The following ZBTB14 variants were observed in gnomAD, a reference collection of about 807,000 sequenced individuals.
The protein encoded by ZBTB14 is zinc finger and BTB domain containing 14, also known as zinc finger and BTB domain-containing protein 14.
In ZBTB14, 8 loss-of-function variants were observed where a neutral mutation model predicts 29.5. That is an observed-to-expected ratio of 0.27 (90% CI 0.16 to 0.49). ZBTB14 has a LOEUF of 0.49. ZBTB14 is among the 20% of genes least tolerant of loss of function. ZBTB14 has a pLI of 0.99. For synonymous variants in ZBTB14, 226 were observed against 207.2 expected (o/e 1.09, Z -0.78); for missense variants, 333 against 563.8 (o/e 0.59, Z 4.15).
rs1476235158 is a variant in ZBTB14, at chr18:5,291,182, A to G, written c.1026T>C (p.Phe342=). 1 of 1,614,246 alleles carries G rather than the reference A, an allele frequency of 6.2e-7. No individual in the cohort carries two copies. Among genetic ancestry groups the G allele is most frequent in the Non-Finnish European group, 8.5e-7 (1 of 1,180,036 alleles). The change falls in exon 4 of 4, where the codon TTT becomes TTC. Residue 342 remains phenylalanine (F), a synonymous_variant. Coordinates refer to ENST00000651870, the MANE Select transcript of ZBTB14 (RefSeq NM_001243702.2). The surrounding 1 kb of genome is among the most constrained non-coding windows in gnomAD (Gnocchi z 5.8). The stretch of plus-strand genomic sequence containing the variant: ...GCTTCTTTAAGTCTGGGGCACGGAT[A>G]AATGATTTTCCACACACCTCACAGC... ...PYSCEVCGKS[F]IRAPDLKKHE...
Position 5,291,339 on chromosome 18 carries a change from CCTT to C in ZBTB14, c.866_868del (p.Glu289del). The C allele has an allele frequency of 6.2e-7, 1 of 1,614,248 alleles. No individual in the cohort carries two copies. The highest frequency in any genetic ancestry group is 8.5e-7 in the Non-Finnish European group (1 of 1,180,048). ...GAGTTTCTCATGCTTCCTCAATCTG[CCTT>C]CATCAGAAAACGTCTTCCCACACGC... is the stretch of plus-strand genomic sequence containing the variant. On this transcript the variant is annotated inframe_deletion, in exon 4 of 4. Coordinates refer to ENST00000651870, the MANE Select transcript of ZBTB14 (RefSeq NM_001243702.2). The surrounding 1 kb of genome is among the most constrained non-coding windows in gnomAD (Gnocchi z 5.8).
In ZBTB14 at chr18:5,289,492, T is replaced by C. The variant is rs2071764887; in HGVS notation, c.*1366A>G. On this transcript the variant is annotated 3_prime_UTR_variant, in exon 4 of 4. Coordinates refer to ENST00000651870, the MANE Select transcript of ZBTB14 (RefSeq NM_001243702.2). ...TTGAAAAATAATTGACTAATACTTT[T>C]TTACAGAACACAATTCAAACTATTG... The C allele has an allele frequency of 1.3e-5, 2 of 152,210 alleles. No homozygotes were observed. Among genetic ancestry groups the C allele is most frequent in the Non-Finnish European group, 2.9e-5 (2 of 68,024 alleles). The allele number at this position is 152,210 out of a possible 1,614,324, so 9.4% of individuals were successfully genotyped here. A position where few individuals can be genotyped will look rare whatever the true frequency, so the allele number is the denominator to read the frequency against.
intron 3 of ZBTB14, 64 bp from the exon 4 acceptor site, chr18:5,292,268 C>T (rs2143236254): frequency 7.8e-7 from 1 of 1,276,614 alleles, no homozygotes; most frequent in Non-Finnish European, 1.0e-6. Context: ...AACACAGTCA[C>T]ATTTTCATTT....
rs146246023 is a variant in ZBTB14, at chr18:5,291,677, T to G, written c.531A>C (p.Thr177=). 12 of 1,614,048 alleles carry G rather than the reference T, an allele frequency of 7.4e-6. No individual in the cohort carries two copies. The African/African-American group carries it at 1.1e-4, about 14-fold the overall frequency. The stretch of plus-strand genomic sequence containing the variant: ...CCTGACTCGGGGGTGTGCCTTCTAC[T>G]GTGTCATCAGAAGGACTGTCATCCT... ...GDQDDSPSDD[T]VEGTPPSQED... The change falls in exon 4 of 4, where the codon ACA becomes ACC. Residue 177 remains threonine (T), a synonymous_variant. Coordinates refer to ENST00000651870, the MANE Select transcript of ZBTB14 (RefSeq NM_001243702.2). The surrounding 1 kb of genome is among the most constrained non-coding windows in gnomAD (Gnocchi z 5.8).
Position 5,291,911 on chromosome 18 carries a change from G to A in ZBTB14, c.297C>T (p.Ser99=), listed in dbSNP as rs201423565. 31 of 1,614,002 alleles carry A rather than the reference G, an allele frequency of 1.9e-5. No individual in the cohort carries two copies. The African/African-American group carries it at 2.1e-4, about 11-fold the overall frequency. Residue 99 remains serine (S), a synonymous_variant, in exon 4 of 4, where the codon TCC becomes TCT. Transcript: ENST00000651870. The surrounding 1 kb of genome is among the most constrained non-coding windows in gnomAD (Gnocchi z 5.8). The part of the protein sequence containing the change: ...VLNYMYTAKI[S]VKKEDVNLMM... ...TTAAGTTAACATCTTCTTTTTTCAC[G>A]GAAATCTTTGCTGTGTACATGTAGT...
Position 5,290,130 on chromosome 18 carries a change from A to G in ZBTB14, c.*728T>C, listed in dbSNP as rs1349758041. On this transcript the variant is annotated 3_prime_UTR_variant, in exon 4 of 4. Transcript: ENST00000651870. ...CTGGTATGGACTGGTACTGCCCCAAATAAGAGGAACCTAAGAGCTTGGCTC... is the reference window on the plus strand; with the variant it reads ...CTGGTATGGACTGGTACTGCCCCAAGTAAGAGGAACCTAAGAGCTTGGCTC... 3.3e-5 allele frequency: 5 copies of G among 152,184 alleles called. No individual in the cohort carries two copies. In the East Asian group the frequency reaches 7.7e-4, roughly 23 times the overall value. 9.4% of individuals were successfully genotyped at this position (152,184 alleles called of 1,614,324 possible).
chr18:5,295,604 G>T (rs1046848301), intron 1 of ZBTB14, 48 bp downstream of exon 1: 1 of 143,992 alleles, frequency 6.9e-6, no homozygotes, highest in Admixed American at 6.9e-5. Context: ...CCCCCGGGGC[G>T]CCCCGGCCCC....
upstream of ZBTB14, chr18:5,296,903 T>C (rs1016370040): frequency 6.6e-6 from 1 of 152,064 alleles, no homozygotes; most frequent in African/African-American, 2.4e-5. Flanking sequence ...GCGCCAGTAA[T>C]GGCTCCGTTG....
At chr18:5,296,283 T>TGGGCGGGGCAA (rs1017284972), upstream of ZBTB14, 1 of 147,814 alleles carries the variant, frequency 6.8e-6, no homozygotes, top group Non-Finnish European at 1.5e-5. Flanking sequence ...GGAGAAGGAG[T>TGGGCGGGGCAA]GGGCGGGGCA....
At chr18:5,296,170 T>C (rs1157081797), upstream of ZBTB14, 2 of 150,560 alleles carry the variant, frequency 1.3e-5, no homozygotes, top group Admixed American at 6.6e-5. Flanking sequence ...ATCCGGGCCC[T>C]TGCCGACGCT....
chr18:5,291,814 T>A lies in ZBTB14; in HGVS notation c.394A>T (p.Ser132Cys). The A allele has an allele frequency of 6.2e-7, 1 of 1,613,936 alleles. No individual in the cohort carries two copies. Among genetic ancestry groups the A allele is most frequent in the South Asian group, 1.1e-5 (1 of 91,056 alleles). Residue 132 changes from serine to cysteine, a missense_variant, in exon 4 of 4, where the codon AGT becomes TGT. Around this residue, in one of 3 missense-constraint regions of ZBTB14, gnomAD observed 126 missense variants for 132.2 expected, o/e 0.95. Transcript: ENST00000651870. The surrounding 1 kb of genome is among the most constrained non-coding windows in gnomAD (Gnocchi z 5.8). The stretch of plus-strand genomic sequence containing the variant: ...GACTGACCATTGTTTTCATCGGGAC[T>A]GGACACATCACGCTTCTGAGAACAC... ...KLCSQKRDVS[S>C]PDENNGQSKS... is the part of the protein sequence containing the mutation.
rs551210040 is a variant in ZBTB14, at chr18:5,289,560, T to C, written c.*1298A>G. 1.4e-4 allele frequency: 21 copies of C among 152,336 alleles called. No individual in the cohort carries two copies. Among genetic ancestry groups the C allele is most frequent in the Admixed American group, 1.2e-3 (19 of 15,300 alleles). 9.4% of individuals were successfully genotyped at this position (152,336 alleles called of 1,614,324 possible). A position where few individuals can be genotyped will look rare whatever the true frequency, so the allele number is the denominator to read the frequency against. ...TCCTAAAGATGGTTAAAAGAACATT[T>C]AGTATACCAAAACTGGAATAGAGTT... On this transcript the variant is annotated 3_prime_UTR_variant, in exon 4 of 4. Coordinates refer to ENST00000651870, the MANE Select transcript of ZBTB14 (RefSeq NM_001243702.2).
intron 1 of ZBTB14, among the ~76,000 whole-genome samples, chr18:5,295,100 C>T (rs1415591941): frequency 1.3e-5 from 2 of 150,638 alleles, no homozygotes; most frequent in African/African-American, 4.9e-5. Context: ...GGGACCGCGG[C>T]TCGGAGCGCG....
Position 5,291,696 on chromosome 18 carries a change from T to C in ZBTB14, c.512A>G (p.Asp171Gly). Residue 171 changes from aspartate to glycine, a missense_variant, in exon 4 of 4, where the codon GAC (aspartate) becomes GGC (glycine). This residue lies in a region of ZBTB14 where 126 missense variants were observed against 132.2 expected (regional missense o/e 0.95). Coordinates refer to ENST00000651870, the MANE Select transcript of ZBTB14 (RefSeq NM_001243702.2). The surrounding 1 kb of genome is among the most constrained non-coding windows in gnomAD (Gnocchi z 5.8). ...DDVEEIGDQDDSPSDDTVEGT... is the reference protein window; with the variant it reads ...DDVEEIGDQDGSPSDDTVEGT... ...TTCTACTGTGTCATCAGAAGGACTG[T>C]CATCCTGATCCCCGATTTCCTCTAC... is the stretch of plus-strand genomic sequence containing the variant. 2 of 1,614,172 alleles carry C rather than the reference T, an allele frequency of 1.2e-6. No homozygotes were observed. Among genetic ancestry groups the C allele is most frequent in the Non-Finnish European group, 8.5e-7 (1 of 1,180,028 alleles).
Position 5,290,677 on chromosome 18 carries a change from G to T in ZBTB14, c.*181C>A, listed in dbSNP as rs1287116323. 1 of 904,036 alleles carries T rather than the reference G, an allele frequency of 1.1e-6. No homozygotes were observed. Among genetic ancestry groups the T allele is most frequent in the Non-Finnish European group, 1.6e-6 (1 of 617,134 alleles). 56.0% of individuals were successfully genotyped at this position (904,036 alleles called of 1,614,324 possible). A position where few individuals can be genotyped will look rare whatever the true frequency, so the allele number is the denominator to read the frequency against. Reference sequence around the variant, plus strand: ...ACAAGACAGTGAAACGGTTTGGTCAGAACTGAGGAACACCATTTCCTTGAA... The same window carrying T: ...ACAAGACAGTGAAACGGTTTGGTCATAACTGAGGAACACCATTTCCTTGAA... On this transcript the variant is annotated 3_prime_UTR_variant, in exon 4 of 4. Coordinates refer to ENST00000651870, the MANE Select transcript of ZBTB14 (RefSeq NM_001243702.2).
chr18:5,289,163 A>G lies in ZBTB14; in HGVS notation c.*1695T>C, dbSNP rs953740902. ...GAACGGCAATCAGTTCCCCTTCTAT[A>G]AGTAGCATAAAAACACAGTGACAGG... On this transcript the variant is annotated 3_prime_UTR_variant, in exon 4 of 4. Coordinates refer to ENST00000651870, the MANE Select transcript of ZBTB14 (RefSeq NM_001243702.2). 6.6e-6 allele frequency: 1 copy of G among 152,220 alleles called. No individual in the cohort carries two copies. The highest frequency in any genetic ancestry group is 1.5e-5 in the Non-Finnish European group (1 of 68,034). 9.4% of individuals were successfully genotyped at this position (152,220 alleles called of 1,614,324 possible).
chr18:5,289,473 A>C lies in ZBTB14; in HGVS notation c.*1385T>G, dbSNP rs1391420902. 6.6e-6 allele frequency: 1 copy of C among 152,220 alleles called. No homozygotes were observed. Among genetic ancestry groups the C allele is most frequent in the African/African-American group, 2.4e-5 (1 of 41,446 alleles). 9.4% of individuals were successfully genotyped at this position (152,220 alleles called of 1,614,324 possible). A position where few individuals can be genotyped will look rare whatever the true frequency, so the allele number is the denominator to read the frequency against. On this transcript the variant is annotated 3_prime_UTR_variant, in exon 4 of 4. Transcript: ENST00000651870. Reference sequence around the variant, plus strand: ...TTTTCTACAATTCTACATTTTGAAAAATAATTGACTAATACTTTTTTACAG... The same window carrying C: ...TTTTCTACAATTCTACATTTTGAAACATAATTGACTAATACTTTTTTACAG...
rs1248261787 is a variant in ZBTB14, at chr18:5,290,760, TAC to T, written c.*96_*97del. 1 of 1,520,340 alleles carries T rather than the reference TAC, an allele frequency of 6.6e-7. No homozygotes were observed. The highest frequency in any genetic ancestry group is 1.4e-5 in the African/African-American group (1 of 72,250). 94.2% of individuals were successfully genotyped at this position (1,520,340 alleles called of 1,614,324 possible). On this transcript the variant is annotated 3_prime_UTR_variant, in exon 4 of 4. Transcript: ENST00000651870. ...TAAGTCCAGTGAGTACAATGTTCCA[TAC>T]GTTTCCACAAAAATATTGTAACTGG... is the stretch of plus-strand genomic sequence containing the variant.
At chr18:5,296,240 C>G (rs1038380874), upstream of ZBTB14, 1 of 150,382 alleles carries the variant, frequency 6.6e-6, no homozygotes, top group Non-Finnish European at 1.5e-5. Flanking sequence ...CGCGCGCACG[C>G]GCGCGGCTTG....
Sources: gnomAD v4.1 joint callset for allele counts (sites outside exome capture counted in the v4.1 genomes callset) on GRCh38, gnomAD v4.1.1 for gene constraint, gnomAD v4.1.1 regional missense constraint, Gnocchi (gnomAD v3.1) non-coding constraint, MANE v1.5 for transcripts, NCBI Gene and HGNC (gene_info 2026-07-23, HGNC 2026-07-21) for gene names.